RALGAPA1: variants seen among roughly 807,000 people sequenced by gnomAD.
The protein encoded by RALGAPA1 is Ral GTPase activating protein catalytic subunit alpha 1.
A neutral mutation model predicts 269.6 loss-of-function variants in RALGAPA1; 52 were observed. The ratio of observed to expected loss-of-function variants is 0.19; its 90% CI spans 0.15 to 0.24. The LOEUF is 0.24. Among genes scored for constraint, RALGAPA1 ranks in the 10% least tolerant of loss-of-function variants. RALGAPA1 has a pLI of 1.00. For synonymous variants in RALGAPA1, 817 were observed against 1,008.3 expected (o/e 0.81, Z 3.60); for missense variants, 1,917 against 3,013.9 (o/e 0.64, Z 8.52).
At chr14:35,694,565 CA>C (rs1410472051) in intron 17 of RALGAPA1, among the ~76,000 whole-genome samples, 1 of 152,048 alleles carries the variant, frequency 6.6e-6, no homozygotes, top group Non-Finnish European at 1.5e-5. Flanking sequence ...TTAAAAGCAA[CA>C]AATCAAGCTC....
intron 35 of RALGAPA1, among the ~76,000 whole-genome samples, chr14:35,619,889 AAACCAAAAACAGTCCAG>A (rs1217788346): frequency 6.6e-6 from 1 of 152,126 alleles, no homozygotes; most frequent in African/African-American, 2.4e-5. Flanking sequence ...CCAGGACTAC[AAACCAAAAACAGTCCAG>A]GACCAGACGG....
chr14:35,727,117 T>C (rs954825226), intron 13 of RALGAPA1, among the ~76,000 whole-genome samples: 4 of 151,890 alleles, frequency 2.6e-5, no homozygotes, highest in African/African-American at 9.7e-5. Flanking sequence ...ATTAGGCATA[T>C]GCTTTGACTA....
chr14:35,568,977 A>G (rs139280751), intron 39 of RALGAPA1, among the ~76,000 whole-genome samples: 8 of 152,360 alleles, frequency 5.3e-5, no homozygotes, highest in African/African-American at 1.7e-4. Flanking sequence ...TTTCACTAAA[A>G]TGACTACTTC....
At chr14:35,798,506 AC>A (rs2076737687) in intron 1 of RALGAPA1, among the ~76,000 whole-genome samples, 1 of 152,206 alleles carries the variant, frequency 6.6e-6, no homozygotes, top group African/African-American at 2.4e-5. Context: ...TGTTCCCAGC[AC>A]AAATAAATAA....
intron 16 of RALGAPA1, among the ~76,000 whole-genome samples, chr14:35,710,872 C>G (rs150143733): frequency 1.0e-3 from 152 of 152,270 alleles, no homozygotes; most frequent in African/African-American, 3.5e-3. Context: ...CACACGTTTG[C>G]AGCCTAGAAG....
In RALGAPA1 at chr14:35,539,504, G is replaced by C. The variant is rs1217533850; in HGVS notation, c.*210C>G. 2 of 1,601,526 alleles carry C rather than the reference G, an allele frequency of 1.2e-6. No individual in the cohort carries two copies. Among genetic ancestry groups the C allele is most frequent in the South Asian group, 2.2e-5 (2 of 89,160 alleles). On this transcript the variant is annotated 3_prime_UTR_variant, in exon 42 of 42. Coordinates refer to ENST00000680220, the MANE Select transcript of RALGAPA1 (RefSeq NM_001346249.2). ...AGGGTTAACCCTATGTTCGTGCTAA[G>C]GTGGCTACTGCTGATCACTGCTGGG... is the stretch of plus-strand genomic sequence containing the variant.
chr14:35,645,503 G>A (rs555187714), intron 31 of RALGAPA1, among the ~76,000 whole-genome samples: 1 of 152,174 alleles, frequency 6.6e-6, no homozygotes, highest in East Asian at 1.9e-4. Flanking sequence ...GGCTGAGACA[G>A]GCAGATCACG....
chr14:35,733,860 A>G (rs552016712), intron 12 of RALGAPA1, among the ~76,000 whole-genome samples: 8 of 152,296 alleles, frequency 5.3e-5, no homozygotes, highest in South Asian at 4.1e-4. Flanking sequence ...AAATAAGCTC[A>G]TTAAGAAACA....
chr14:35,588,388 C>G (rs562863111), intron 37 of RALGAPA1, among the ~76,000 whole-genome samples: 1 of 152,096 alleles, frequency 6.6e-6, no homozygotes, highest in Non-Finnish European at 1.5e-5. Flanking sequence ...CTACAAAGGT[C>G]ACAGGAATAA....
At chr14:35,610,607 C>T (rs1283195379) in intron 35 of RALGAPA1, among the ~76,000 whole-genome samples, 2 of 151,934 alleles carry the variant, frequency 1.3e-5, no homozygotes, top group Non-Finnish European at 2.9e-5. Context: ...TAAAACCAAC[C>T]TTAAAAAGAA....
intron 17 of RALGAPA1, among the ~76,000 whole-genome samples, chr14:35,697,690 G>T (rs991695386): frequency 6.6e-6 from 1 of 151,360 alleles, no homozygotes; most frequent in Non-Finnish European, 1.5e-5. Context: ...AAGGGCCTTT[G>T]GTATGTTGAT....
At chr14:35,563,838 T>G (rs2139344714) in intron 39 of RALGAPA1, among the ~76,000 whole-genome samples, 1 of 152,040 alleles carries the variant, frequency 6.6e-6, no homozygotes, top group African/African-American at 2.4e-5. Flanking sequence ...TGAGATGGAG[T>G]TTCTCTCTTG....
intron 35 of RALGAPA1, among the ~76,000 whole-genome samples, chr14:35,613,340 C>T (rs1308235607): frequency 2.0e-5 from 3 of 152,116 alleles, no homozygotes; most frequent in East Asian, 1.9e-4. Flanking sequence ...CCTTGGCCTC[C>T]CAAAGTGCTG....
intron 1 of RALGAPA1, among the ~76,000 whole-genome samples, chr14:35,783,052 G>A (rs937317945): frequency 8.6e-5 from 13 of 151,758 alleles, no homozygotes; most frequent in Admixed American, 3.3e-4. Context: ...TCAAACTCCC[G>A]GACTCAAGTG....
intron 29 of RALGAPA1, among the ~76,000 whole-genome samples, chr14:35,655,311 T>C (rs566773695): frequency 1.3e-5 from 2 of 152,188 alleles, no homozygotes; most frequent in Admixed American, 1.3e-4. Context: ...CATCCTTTCA[T>C]AAACAAAAAG....
intron 22 of RALGAPA1, chr14:35,676,193 T>G (rs886751024): frequency 6.6e-6 from 1 of 151,968 alleles, no homozygotes; most frequent in African/African-American, 2.4e-5. Context: ...CAAGCAACAA[T>G]GTGTGGTCTT....
intron 35 of RALGAPA1, among the ~76,000 whole-genome samples, chr14:35,605,995 A>G (rs1189676500): frequency 6.6e-6 from 1 of 152,226 alleles, no homozygotes; most frequent in Non-Finnish European, 1.5e-5. Context: ...AAATGAAGAG[A>G]AAGAGCATCA....
intron 27 of RALGAPA1, among the ~76,000 whole-genome samples, chr14:35,660,200 A>G (rs1251902860): frequency 6.6e-6 from 1 of 152,034 alleles, no homozygotes. Context: ...AAGAAAAGGC[A>G]TCCATTCTTC....
At chr14:35,610,204 T>C (rs1361653356) in intron 35 of RALGAPA1, among the ~76,000 whole-genome samples, 1 of 151,214 alleles carries the variant, frequency 6.6e-6, no homozygotes, top group African/African-American at 2.4e-5. Context: ...AAAAATATTA[T>C]AAGGAAATGC....
Sources: gnomAD v4.1 joint callset for allele counts (sites outside exome capture counted in the v4.1 genomes callset) on GRCh38, gnomAD v4.1.1 for gene constraint, MANE v1.5 for transcripts, NCBI Gene and HGNC (gene_info 2026-07-23, HGNC 2026-07-21) for gene names.